Variants in NFE2L3 observed in about 807,000 individuals in gnomAD.
The protein encoded by NFE2L3 is NFE2 like bZIP transcription factor 3, also known as nuclear factor erythroid 2-related factor 3.
NFE2L3 carries 18 observed loss-of-function variants against 23.5 expected under a neutral mutation model. The observed-to-expected ratio is 0.77, with a 90% CI of 0.53 to 1.13. NFE2L3 has a LOEUF of 1.13. NFE2L3 is among the 50% of genes most tolerant of loss of function. The pLI, the probability that NFE2L3 is intolerant of heterozygous loss-of-function variation, is 0.00. For synonymous variants in NFE2L3, 424 were observed against 354.5 expected, an observed-to-expected ratio of 1.20 and a Z score of -2.20; for missense variants, 1,152 against 877.2, an observed-to-expected ratio of 1.31 and a Z score of -3.96.
Position 26,152,899 on chromosome 7 carries a change from C to G in NFE2L3, c.401C>G (p.Ser134Trp). The G allele has an allele frequency of 1.4e-6, 2 of 1,449,222 alleles. No homozygotes were observed. The highest frequency in any genetic ancestry group is 1.8e-6 in the Non-Finnish European group (2 of 1,111,696). 89.8% of individuals were successfully genotyped at this position (1,449,222 alleles called of 1,614,324 possible). A position where few individuals can be genotyped will look rare whatever the true frequency, so the allele number is the denominator to read the frequency against. Residue 134 changes from serine to tryptophan, a missense_variant, in exon 1 of 4, where the codon TCG becomes TGG. Coordinates refer to ENST00000056233, the MANE Select transcript of NFE2L3 (RefSeq NM_004289.7). The surrounding 1 kb of genome is among the most constrained non-coding windows in gnomAD (Gnocchi z 4.4). ...GGGCTGCTCGGCGCCGCCGCCGCCTCGTCCACCGGAGGAGCCGGCGCCAGC... is the reference window on the plus strand; with the variant it reads ...GGGCTGCTCGGCGCCGCCGCCGCCTGGTCCACCGGAGGAGCCGGCGCCAGC... ...AHGLLGAAAA[S>W]STGGAGASVD...
At chr7:26,153,786 GT>G (rs1181563959) in intron 1 of NFE2L3, among the ~76,000 whole-genome samples, 3 of 152,180 alleles carry the variant, frequency 2.0e-5, no homozygotes, top group Non-Finnish European at 4.4e-5. Flanking sequence ...CTGAAACCAA[GT>G]TTACCAAGAT....
At position 26,186,605 on chromosome 7, in the gene NFE2L3, CTTGTGTGT is replaced by C. The variant is rs1782494117; in HGVS notation, c.*823_*830del. The stretch of plus-strand genomic sequence containing the variant: ...TGGGCTACTTGCAAAAACGTAACTC[CTTGTGTGT>C]ATATTAAATCCATAAAATCTCTGGC... On this transcript the variant is annotated 3_prime_UTR_variant, in exon 4 of 4. Transcript: ENST00000056233. 1 of 152,184 alleles carries C rather than the reference CTTGTGTGT, an allele frequency of 6.6e-6. No individual in the cohort carries two copies. Among genetic ancestry groups the C allele is most frequent in the Admixed American group, 6.5e-5 (1 of 15,274 alleles). 9.4% of individuals were successfully genotyped at this position (152,184 alleles called of 1,614,324 possible). A position where few individuals can be genotyped will look rare whatever the true frequency, so the allele number is the denominator to read the frequency against.
intron 1 of NFE2L3, among the ~76,000 whole-genome samples, chr7:26,165,006 A>G (rs1031438911): frequency 1.3e-5 from 2 of 152,118 alleles, no homozygotes; most frequent in Admixed American, 6.5e-5. Context: ...CCATTGGTCT[A>G]TATCTCTGTT....
chr7:26,168,309 G>C (rs529766770), intron 1 of NFE2L3, among the ~76,000 whole-genome samples: 1 of 151,452 alleles, frequency 6.6e-6, no homozygotes, highest in African/African-American at 2.4e-5. Flanking sequence ...GCTAATTTTT[G>C]TATTTTAAGT....
chr7:26,158,959 G>C (rs929429841), intron 1 of NFE2L3, among the ~76,000 whole-genome samples: 1 of 152,184 alleles, frequency 6.6e-6, no homozygotes, highest in African/African-American at 2.4e-5. Context: ...AGTTGAGCAG[G>C]GTTGATACAC....
chr7:26,172,778 G>C (rs1411309419), intron 1 of NFE2L3, among the ~76,000 whole-genome samples: 1 of 152,164 alleles, frequency 6.6e-6, no homozygotes, highest in African/African-American at 2.4e-5. Flanking sequence ...CACGATGTTG[G>C]TTTAACTTCG....
chr7:26,154,528 A>T (rs990064020), intron 1 of NFE2L3, among the ~76,000 whole-genome samples: 19 of 152,100 alleles, frequency 1.2e-4, no homozygotes, highest in African/African-American at 3.6e-4. Flanking sequence ...TGGGAGACAA[A>T]GTGGCCTTCC....
Position 26,152,564 on chromosome 7 carries a change from C to T in NFE2L3, c.66C>T (p.Ser22=), listed in dbSNP as rs1433598110. The T allele has an allele frequency of 3.3e-6, 5 of 1,529,186 alleles. No individual in the cohort carries two copies. The highest frequency in any genetic ancestry group is 4.4e-6 in the Non-Finnish European group (5 of 1,147,198). 94.7% of individuals were successfully genotyped at this position (1,529,186 alleles called of 1,614,324 possible). ...GGLLHLTLLL[S]LAGLRVDLDL... The stretch of plus-strand genomic sequence containing the variant: ...TCCTGCACCTCACCCTCCTGCTGAG[C>T]TTGGCGGGGCTCCGCGTAGACCTAG... Residue 22 remains serine (S), a synonymous_variant, in exon 1 of 4, where the codon AGC becomes AGT. Coordinates refer to ENST00000056233, the MANE Select transcript of NFE2L3 (RefSeq NM_004289.7). The surrounding 1 kb of genome is among the most constrained non-coding windows in gnomAD (Gnocchi z 4.4).
At chr7:26,174,604 A>C (rs1221202807) in intron 1 of NFE2L3, 2 of 152,270 alleles carry the variant, frequency 1.3e-5, no homozygotes, top group Admixed American at 6.5e-5. Context: ...GTTAGGCACA[A>C]TCAGACAGAG....
chr7:26,183,960 C>A, intron 3 of NFE2L3, 176 bp downstream of exon 3: 1 of 543,944 alleles, frequency 1.8e-6, no homozygotes, highest in Non-Finnish European at 3.3e-6. Flanking sequence ...TCCAAATAAT[C>A]CCAAAGGTAT....
intron 1 of NFE2L3, among the ~76,000 whole-genome samples, chr7:26,169,467 C>T (rs144300796): frequency 1.4e-4 from 22 of 152,250 alleles, no homozygotes; most frequent in African/African-American, 5.3e-4. Context: ...GATGTGGGCA[C>T]ACTGGGATGG....
intron 3 of NFE2L3, chr7:26,184,249 T>C (rs1782416918): frequency 1.5e-5 from 6 of 390,406 alleles, no homozygotes; most frequent in Admixed American, 4.3e-5. Flanking sequence ...TATTATAAAG[T>C]AGCAAATTAC....
At position 26,185,104 on chromosome 7, in the gene NFE2L3, A is replaced by C; in HGVS notation, c.1406A>C (p.Tyr469Ser). 6.2e-7 allele frequency: 1 copy of C among 1,613,882 alleles called. No homozygotes were observed. The highest frequency in any genetic ancestry group is 8.5e-7 in the Non-Finnish European group (1 of 1,179,840). Residue 469 changes from tyrosine (Y) to serine (S), a missense_variant, in exon 4 of 4, where the codon TAC (tyrosine) becomes TCC (serine). Tyr to Ser is a moderately radical substitution (Grantham distance 144, BLOSUM62 -2). Coordinates refer to ENST00000056233, the MANE Select transcript of NFE2L3 (RefSeq NM_004289.7). ...HDLEGAVGGYYPEPSKLCHLD... is the reference protein window; with the variant it reads ...HDLEGAVGGYSPEPSKLCHLD... The stretch of plus-strand genomic sequence containing the variant: ...TTAGAAGGTGCTGTAGGTGGCTACT[A>C]CCCAGAACCCAGTAAGCTTTGTCAC...
At position 26,171,267 on chromosome 7, in the gene NFE2L3, T is replaced by A. The variant is rs149871679; in HGVS notation, c.571-6676T>A. ...TGCACCATTAAGAAGCCAGTTAGGC[T>A]GGGCGTGGTGGTTCATGCCTGTAAT... On this transcript the variant is annotated intron_variant, in intron 1 of 3. Transcript: ENST00000056233. 4.4e-3 allele frequency among the ~76,000 whole-genome samples: 670 copies of A among 152,290 alleles called. 8 individuals carry two copies. Among genetic ancestry groups the A allele is most frequent in the African/African-American group, 0.015 (604 of 41,570 alleles).
rs749163106 is a variant in NFE2L3 at position 26,185,133 on chromosome 7, G to T, written c.1435G>T (p.Asp479Tyr). ...AGAACCCAGTAAGCTTTGTCACTTG[G>T]ATCAAAGTGATTCTGATTTCCATGG... ...YPEPSKLCHL[D>Y]QSDSDFHGDL... Residue 479 changes from aspartate to tyrosine, a missense_variant, in exon 4 of 4, where the codon GAT becomes TAT. By Grantham distance (160) the Asp-to-Tyr change is radical (BLOSUM62 -3). Transcript: ENST00000056233. 6.2e-7 allele frequency: 1 copy of T among 1,613,808 alleles called. No individual in the cohort carries two copies. Among genetic ancestry groups the T allele is most frequent in the Non-Finnish European group, 8.5e-7 (1 of 1,179,832 alleles).
chr7:26,165,912 C>G (rs1316871703), intron 1 of NFE2L3, among the ~76,000 whole-genome samples: 1 of 152,144 alleles, frequency 6.6e-6, no homozygotes. Context: ...CATCACATAT[C>G]TAGTCACTGT....
At chr7:26,168,814 G>T (rs543515288) in intron 1 of NFE2L3, among the ~76,000 whole-genome samples, 48 of 152,194 alleles carry the variant, frequency 3.2e-4, no homozygotes, top group Non-Finnish European at 5.6e-4. Context: ...TTCCATAGTG[G>T]TTTACATTCC....
chr7:26,161,813 A>G (rs1211664387), intron 1 of NFE2L3, among the ~76,000 whole-genome samples: 1 of 152,058 alleles, frequency 6.6e-6, no homozygotes, highest in Non-Finnish European at 1.5e-5. Context: ...AAAAACAATG[A>G]ATGCAGAATT....
At position 26,184,856 on chromosome 7, in the gene NFE2L3, A is replaced by G; in HGVS notation, c.1158A>G (p.Ile386Met). The change falls in exon 4 of 4, where the codon ATA (isoleucine) becomes ATG (methionine). Residue 386 changes from isoleucine to methionine, a missense_variant. Transcript: ENST00000056233. ...TSQDLLYDLD[I>M]NIFDEINLMS... is the part of the protein sequence containing the mutation. ...AAGACCTACTGTATGACCTTGACATAAATATATTTGATGAGATAAACTTAA... is the reference window on the plus strand; with the variant it reads ...AAGACCTACTGTATGACCTTGACATGAATATATTTGATGAGATAAACTTAA... 1.9e-6 allele frequency: 3 copies of G among 1,613,946 alleles called. No individual in the cohort carries two copies. The highest frequency in any genetic ancestry group is 2.5e-6 in the Non-Finnish European group (3 of 1,179,826).
Sources: allele counts gnomAD v4.1 joint callset (sites outside exome capture counted in the v4.1 genomes callset), GRCh38; gene constraint gnomAD v4.1.1; non-coding constraint Gnocchi (gnomAD v3.1); transcripts MANE v1.5; gene names NCBI Gene and HGNC (gene_info 2026-07-23, HGNC 2026-07-21).